The following COL4A4 variants were observed in gnomAD, a reference collection of about 807,000 sequenced individuals.
The protein encoded by COL4A4 is collagen alpha-4(IV) chain.
In COL4A4, 105 loss-of-function variants were observed where a neutral mutation model predicts 192.9. That is an observed-to-expected ratio of 0.54 (90% CI 0.46 to 0.64). COL4A4 has a LOEUF of 0.64. Ranked by LOEUF, COL4A4 falls within the 30% of genes least tolerant of loss-of-function variation. COL4A4 has a pLI of 0.00. For synonymous variants in COL4A4, 762 were observed against 769.9 expected (o/e 0.99, Z 0.17); for missense variants, 1,967 against 2,169.3 (o/e 0.91, Z 1.85).
intron 1 of COL4A4, among the ~76,000 whole-genome samples, chr2:227,154,805 T>C (rs905841779): frequency 3.3e-5 from 5 of 152,232 alleles, no homozygotes; most frequent in Non-Finnish European, 5.9e-5. Flanking sequence ...TTCACATCCA[T>C]CTACCTGGAC....
intron 6 of COL4A4, 96 bp downstream of exon 6, chr2:227,119,799 A>C: frequency 1.7e-6 from 1 of 587,554 alleles, no homozygotes. Context: ...GGTTTCTATA[A>C]ATATATATTT....
Position 227,080,439 on chromosome 2 carries a change from A to G in COL4A4, c.1803+4T>C. The G allele has an allele frequency of 6.2e-7, 1 of 1,611,130 alleles. No individual in the cohort carries two copies. Among genetic ancestry groups the G allele is most frequent in the Non-Finnish European group, 8.5e-7 (1 of 1,177,264 alleles). On this transcript the variant is annotated splice_donor_region_variant and intron_variant, in intron 24 of 47. Coordinates refer to ENST00000396625, the MANE Select transcript of COL4A4 (RefSeq NM_000092.5). ...TTCTATAGCAAGAGAAGAATTCTAC[A>G]TACTGGAGGTCCTGGATCCCCTTTT... is the stretch of plus-strand genomic sequence containing the variant.
chr2:227,050,916 G>A lies in COL4A4; in HGVS notation c.3150+61C>T, dbSNP rs192936744. 60 of 1,597,582 alleles carry A rather than the reference G, an allele frequency of 3.8e-5. No individual in the cohort carries two copies. In the East Asian group the frequency reaches 8.3e-4, roughly 22 times the overall value. On this transcript the variant is annotated intron_variant, in intron 33 of 47. Transcript: ENST00000396625. ...ACGCTGGCAAATTATAGCTCCTTAC[G>A]GACATCCTAAGAACAGAAAGGTTTT...
At chr2:227,125,002 AAGAG>A (rs1383030109) in intron 4 of COL4A4, among the ~76,000 whole-genome samples, 2 of 152,202 alleles carry the variant, frequency 1.3e-5, no homozygotes, top group Admixed American at 1.3e-4. Context: ...GTAACTGAAA[AAGAG>A]AGAGCCAATT....
At chr2:227,041,457 T>C (rs1253313202) in intron 37 of COL4A4, among the ~76,000 whole-genome samples, 1 of 151,660 alleles carries the variant, frequency 6.6e-6, no homozygotes, top group African/African-American at 2.4e-5. Context: ...CTGGCCAACA[T>C]GGTGAAACCC....
At chr2:227,059,989 T>G (rs1411947989) in intron 27 of COL4A4, 147 bp downstream of exon 27, 1 of 645,316 alleles carries the variant, frequency 1.5e-6, no homozygotes, top group Non-Finnish European at 2.7e-6. Context: ...TAGCTAAGGG[T>G]CTATCAAGAA....
intron 4 of COL4A4, among the ~76,000 whole-genome samples, chr2:227,138,359 T>G (rs2062961790): frequency 6.7e-6 from 1 of 150,202 alleles, no homozygotes. Flanking sequence ...TCTGGCCTGG[T>G]GCAGTGGCTC....
chr2:226,976,800 C>T, the COL4A4 span, among the ~76,000 whole-genome samples: 1 of 152,194 alleles, frequency 6.6e-6, no homozygotes, highest in African/African-American at 2.4e-5. Context: ...CCTCTTGGCC[C>T]TGGGTCACAA....
In COL4A4 at chr2:227,006,030, G is replaced by C. The variant is rs1962016852; in HGVS notation, c.*1295C>G. ...ATGTCAAACTGTTGCCTTGGTACAA[G>C]ACTGATATGAAATATAAGAATGTCT... is the stretch of plus-strand genomic sequence containing the variant. On this transcript the variant is annotated 3_prime_UTR_variant, in exon 48 of 48. Coordinates refer to ENST00000396625, the MANE Select transcript of COL4A4 (RefSeq NM_000092.5). The C allele has an allele frequency of 6.6e-6, 1 of 152,524 alleles. No homozygotes were observed. The highest frequency in any genetic ancestry group is 2.1e-4 in the South Asian group (1 of 4,824). The allele number at this position is 152,524 out of a possible 1,614,324, so 9.4% of individuals were successfully genotyped here. A position where few individuals can be genotyped will look rare whatever the true frequency, so the allele number is the denominator to read the frequency against.
At chr2:227,107,067 G>A (rs1313224081) in intron 12 of COL4A4, among the ~76,000 whole-genome samples, 1 of 152,142 alleles carries the variant, frequency 6.6e-6, no homozygotes. Context: ...TGGCACACGG[G>A]CTCCTGTGGC....
chr2:227,084,340 A>C (rs1419495203), intron 22 of COL4A4, among the ~76,000 whole-genome samples: 1 of 152,190 alleles, frequency 6.6e-6, no homozygotes, highest in Non-Finnish European at 1.5e-5. Context: ...AAGAGAAAAA[A>C]GTGGAATGCT....
In COL4A4 at chr2:227,108,614, GGGATT is replaced by G. The variant is rs1286273231; in HGVS notation, c.697_701del (p.Asn233ArgfsTer13). 6.2e-7 allele frequency: 1 copy of G among 1,613,902 alleles called. No homozygotes were observed. The highest frequency in any genetic ancestry group is 8.5e-7 in the Non-Finnish European group (1 of 1,179,884). Reference sequence around the variant, plus strand: ...CCATTTGCCCCTTTACTCCCACACCGGGATTTCCCTGAGAAAGAAATGAAAAAGAA... The same window carrying G: ...CCATTTGCCCCTTTACTCCCACACCGTCCCTGAGAAAGAAATGAAAAAGAA... On this transcript the variant is annotated frameshift_variant, in exon 12 of 48. Coordinates refer to ENST00000396625, the MANE Select transcript of COL4A4 (RefSeq NM_000092.5). LOFTEE classifies it high-confidence loss of function.
At position 227,030,501 on chromosome 2, in the gene COL4A4, TG is replaced by T. The variant is rs766009675; in HGVS notation, c.3914del (p.Pro1305HisfsTer83). The T allele has an allele frequency of 3.1e-6, 5 of 1,614,140 alleles. No individual in the cohort carries two copies. The highest frequency in any genetic ancestry group is 4.2e-6 in the Non-Finnish European group (5 of 1,179,994). On this transcript the variant is annotated frameshift_variant, in exon 41 of 48. Coordinates refer to ENST00000396625, the MANE Select transcript of COL4A4 (RefSeq NM_000092.5). LOFTEE classifies it high-confidence loss of function. ...GLPGPPGPPG[P>X]PGPPGYKGFP... is the part of the protein sequence containing the mutation. ...AGCCTTTGTATCCTGGAGGGCCTGG[TG>T]GGCCAGGGGGACCTGGTGGCCCTGG...
intron 18 of COL4A4, 86 bp from the exon 19 acceptor site, chr2:227,098,884 T>A: frequency 9.2e-7 from 1 of 1,089,044 alleles, no homozygotes; most frequent in Non-Finnish European, 1.4e-6. Context: ...TGAGACTCAG[T>A]AAAGTATAAT....
At chr2:227,049,959 C>T in intron 34 of COL4A4, 109 bp downstream of exon 34, 1 of 999,676 alleles carries the variant, frequency 1.0e-6, no homozygotes, top group Non-Finnish European at 1.6e-6. Flanking sequence ...TTGGGTGTTG[C>T]AGTTTCTTTG....
Position 227,106,124 on chromosome 2 carries a change from T to TG in COL4A4, c.736-2073dup, listed in dbSNP as rs201431629. 4.0e-3 allele frequency among the ~76,000 whole-genome samples: 406 copies of TG among 101,454 alleles called. 5 individuals carry two copies. Among genetic ancestry groups the TG allele is most frequent in the African/African-American group, 0.011 (358 of 33,108 alleles). 66.6% of individuals were successfully genotyped at this position (101,454 alleles called of 152,430 possible). A position where few individuals can be genotyped will look rare whatever the true frequency, so the allele number is the denominator to read the frequency against. On this transcript the variant is annotated intron_variant, in intron 12 of 47. Coordinates refer to ENST00000396625, the MANE Select transcript of COL4A4 (RefSeq NM_000092.5). ...GCCAGATTAGAAACATTGTCTGTTT[T>TG]GTTTTTTTTTCCTTGATTTATCTAC...
intron 1 of COL4A4, among the ~76,000 whole-genome samples, chr2:227,148,164 A>C (rs1016530854): frequency 6.6e-6 from 1 of 152,250 alleles, no homozygotes; most frequent in African/African-American, 2.4e-5. Context: ...ATATGCCCAA[A>C]ATAATTGAAA....
At chr2:226,994,212 A>G in the COL4A4 span, among the ~76,000 whole-genome samples, 1 of 152,226 alleles carries the variant, frequency 6.6e-6, no homozygotes, top group Non-Finnish European at 1.5e-5. Flanking sequence ...AGTCAAGTCC[A>G]TATATTTATT....
chr2:227,077,694 A>G (rs1409392699), intron 25 of COL4A4, among the ~76,000 whole-genome samples, 200 bp downstream of exon 25: 1 of 146,244 alleles, frequency 6.8e-6, no homozygotes, highest in Non-Finnish European at 1.5e-5. Flanking sequence ...ACACTTGAAT[A>G]CTGAGAAAAA....
Sources: gnomAD v4.1 joint callset for allele counts (sites outside exome capture counted in the v4.1 genomes callset) on GRCh38, gnomAD v4.1.1 for gene constraint, MANE v1.5 for transcripts, NCBI Gene and HGNC (gene_info 2026-07-23, HGNC 2026-07-21) for gene names.